Variants in SRFBP1 observed in about 807,000 individuals in gnomAD.
The protein encoded by SRFBP1 is serum response factor-binding protein 1.
A neutral mutation model predicts 45.5 loss-of-function variants in SRFBP1; 47 were observed. The ratio of observed to expected loss-of-function variants is 1.03; its 90% CI spans 0.82 to 1.32. The LOEUF (loss-of-function observed/expected upper bound fraction) is 1.32, where lower values mean the gene tolerates loss of function less well. Ranked by LOEUF, SRFBP1 falls within the 40% of genes most tolerant of loss-of-function variation. The pLI is 0.00. For missense variants in SRFBP1, 621 were observed against 484.6 expected, an observed-to-expected ratio of 1.28 and a Z score of -2.64; for synonymous variants, 203 against 166.3, an observed-to-expected ratio of 1.22 and a Z score of -1.70.
At chr5:122,003,117 T>G (rs891321369) in intron 4 of SRFBP1, among the ~76,000 whole-genome samples, 2 of 152,114 alleles carry the variant, frequency 1.3e-5, no homozygotes, top group African/African-American at 4.8e-5. Context: ...CCAAGACAGA[T>G]GGATCACTTG....
chr5:122,073,955 G>A, intron 2 of SRFBP1: 1 of 1,506,570 alleles, frequency 6.6e-7, no homozygotes, highest in Non-Finnish European at 9.2e-7. Context: ...CTAACTAACG[G>A]TAGATGACCC....
rs982737201 is a variant in SRFBP1, at chr5:122,014,597, C to T, written c.271-4663C>T. 4.6e-5 allele frequency among the ~76,000 whole-genome samples: 7 copies of T among 152,054 alleles called. No individual in the cohort carries two copies. In the South Asian group the frequency reaches 1.2e-3, roughly 27 times the overall value. ...TAAAAAAATCTTCATTCATGAGATT[C>T]GTACATAATTATAGAATTGTAAATC... is the stretch of plus-strand genomic sequence containing the variant. On this transcript the variant is annotated intron_variant, in intron 4 of 7. Coordinates refer to ENST00000339397, the MANE Select transcript of SRFBP1 (RefSeq NM_152546.3).
chr5:122,043,980 T>C (rs1753812003), intron 2 of SRFBP1, among the ~76,000 whole-genome samples: 2 of 152,094 alleles, frequency 1.3e-5, no homozygotes, highest in African/African-American at 4.8e-5. Flanking sequence ...ACCTCATAGG[T>C]AGTTTTTCTG....
intron 1 of SRFBP1, among the ~76,000 whole-genome samples, chr5:121,966,329 C>T (rs988552621): frequency 1.7e-4 from 26 of 152,232 alleles, no homozygotes; most frequent in Admixed American, 7.8e-4. Context: ...TTTACTCTAT[C>T]CTGATGATTA....
chr5:122,039,606 C>A (rs959458543), intron 2 of SRFBP1, among the ~76,000 whole-genome samples: 2 of 152,140 alleles, frequency 1.3e-5, no homozygotes, highest in African/African-American at 2.4e-5. Context: ...TCCATTATAT[C>A]CCAGACAGAC....
In SRFBP1 at chr5:122,052,091, T is replaced by C. The variant is rs185373050; in HGVS notation, n.312-23224T>C. On this transcript the variant is annotated intron_variant and non_coding_transcript_variant, in intron 2 of 2. Transcript: ENST00000504881. ...AATTAGACTACCAGTCTCTTCTGAG[T>C]TGTAGGGTTTCTGCTGAAAGGTCCG... is the stretch of plus-strand genomic sequence containing the variant. 1.1e-3 allele frequency among the ~76,000 whole-genome samples: 168 copies of C among 152,286 alleles called. 1 individual carries two copies. The highest frequency in any genetic ancestry group is 3.9e-3 in the African/African-American group (163 of 41,556).
chr5:122,003,237 C>T (rs980355506), intron 4 of SRFBP1, among the ~76,000 whole-genome samples: 2 of 150,962 alleles, frequency 1.3e-5, no homozygotes, highest in African/African-American at 4.9e-5. Context: ...CTCAACTACT[C>T]AGGAGGCTAC....
At chr5:122,064,984 T>A (rs1457894042) in intron 2 of SRFBP1, 1 of 152,074 alleles carries the variant, frequency 6.6e-6, no homozygotes, top group African/African-American at 2.4e-5. Context: ...TATTAAAATA[T>A]CTCTGTTAGA....
chr5:122,054,465 G>T (rs980400758), intron 2 of SRFBP1, among the ~76,000 whole-genome samples: 15 of 152,162 alleles, frequency 9.9e-5, no homozygotes, highest in African/African-American at 2.7e-4. Context: ...CAGGGTCCGT[G>T]TTCACTAGCT....
intron 1 of SRFBP1, among the ~76,000 whole-genome samples, chr5:121,962,934 G>GT (rs1382440309): frequency 6.6e-6 from 1 of 152,160 alleles, no homozygotes; most frequent in Non-Finnish European, 1.5e-5. Flanking sequence ...CTATACTCAA[G>GT]TAAGAGAGCT....
rs534889760 is a variant in SRFBP1, at chr5:122,048,005, A to T, written n.311+25598A>T. Among the ~76,000 whole-genome samples, 82 of 152,208 alleles carry T rather than the reference A, an allele frequency of 5.4e-4. No homozygotes were observed. In the Middle Eastern group the frequency reaches 0.014, roughly 25 times the overall value. On this transcript the variant is annotated intron_variant and non_coding_transcript_variant, in intron 2 of 2. Transcript: ENST00000504881. ...GTCATCTGCAAACAGGGACAATTTG[A>T]CTTTCTCTTTTCCTAATTGAGTACC...
chr5:122,010,693 G>C (rs976192635), intron 4 of SRFBP1, among the ~76,000 whole-genome samples: 1 of 151,486 alleles, frequency 6.6e-6, no homozygotes, highest in South Asian at 2.1e-4. Flanking sequence ...GTATGTATGT[G>C]TGTGTGTATC....
intron 2 of SRFBP1, among the ~76,000 whole-genome samples, chr5:122,044,500 T>G (rs1211858145): frequency 1.3e-5 from 2 of 152,066 alleles, no homozygotes; most frequent in Non-Finnish European, 2.9e-5. Context: ...CTCCACAACC[T>G]TGCCAGCATC....
intron 1 of SRFBP1, among the ~76,000 whole-genome samples, 176 bp downstream of exon 1, chr5:121,962,244 A>T (rs1273278328): frequency 6.6e-6 from 1 of 152,182 alleles, no homozygotes; most frequent in South Asian, 2.1e-4. Context: ...TTCGGTCTCC[A>T]GGTGACTAAA....
downstream of SRFBP1, chr5:122,077,040 C>T: frequency 1.2e-6 from 2 of 1,605,566 alleles, no homozygotes; most frequent in Non-Finnish European, 8.5e-7. The surrounding 1 kb of genome is among the most constrained non-coding windows in gnomAD (Gnocchi z 4.9). Context: ...AGTGAAACAA[C>T]CCGGCGCCCC....
intron 3 of SRFBP1, among the ~76,000 whole-genome samples, chr5:121,989,283 G>T (rs1439321669): frequency 6.6e-6 from 1 of 151,916 alleles, no homozygotes; most frequent in East Asian, 1.9e-4. Context: ...GTCCAGGATG[G>T]TCTCGATCTC....
At chr5:122,076,818 G>T, downstream of SRFBP1, 1 of 1,285,492 alleles carries the variant, frequency 7.8e-7, no homozygotes, top group Non-Finnish European at 1.1e-6. Context: ...CGAAGCAGTA[G>T]CAGTCAGAAC....
chr5:122,078,769 A>G (rs954702560), downstream of SRFBP1, among the ~76,000 whole-genome samples: 5 of 152,244 alleles, frequency 3.3e-5, no homozygotes, highest in African/African-American at 7.2e-5. Flanking sequence ...CCCTCAGCAA[A>G]TAAACCCCAG....
At chr5:121,992,990 A>C (rs1752649234) in intron 3 of SRFBP1, among the ~76,000 whole-genome samples, 2 of 152,232 alleles carry the variant, frequency 1.3e-5, no homozygotes, top group South Asian at 4.1e-4. Context: ...TTCTACCGAC[A>C]TCTGTGATAC....
Sources: allele counts gnomAD v4.1 joint callset (sites outside exome capture counted in the v4.1 genomes callset), GRCh38; gene constraint gnomAD v4.1.1; non-coding constraint Gnocchi (gnomAD v3.1); transcripts MANE v1.5; gene names NCBI Gene and HGNC (gene_info 2026-07-23, HGNC 2026-07-21).